CDK14: variants seen among roughly 807,000 people sequenced by gnomAD.
The protein encoded by CDK14 is cyclin dependent kinase 14, also known as cyclin-dependent kinase 14.
In CDK14, 34 loss-of-function variants were observed where a neutral mutation model predicts 60.7. The ratio of observed to expected loss-of-function variants is 0.56; its 90% CI spans 0.43 to 0.75. The LOEUF is 0.75. Ranked by LOEUF, CDK14 falls within the 30% of genes least tolerant of loss-of-function variation. The probability of loss-of-function intolerance (pLI) is 0.00; values close to 1 mark genes in which losing one functional copy is unlikely to be tolerated. For missense variants in CDK14, 482 were observed against 564.1 expected (o/e 0.85, Z 1.47); for synonymous variants, 197 against 203.7 (o/e 0.97, Z 0.28).
intron 2 of CDK14, among the ~76,000 whole-genome samples, chr7:90,634,922 A>G (rs1800100654): frequency 6.6e-6 from 1 of 152,088 alleles, no homozygotes; most frequent in South Asian, 2.1e-4. Context: ...TTGGCTGCAT[A>G]AATGTCTTCT....
Position 90,738,390 on chromosome 7 carries a change from CACAG to C in CDK14, c.370-9287_370-9284del, listed in dbSNP as rs1803209303. On this transcript the variant is annotated intron_variant, in intron 3 of 14. Coordinates refer to ENST00000380050, the MANE Select transcript of CDK14 (RefSeq NM_001287135.2). ...TATTAGCTAGTTGTTATTATTATTA[CACAG>C]ACAATGAACTAGAGCTGTCAAGGGT... Among the ~76,000 whole-genome samples, 3 of 152,106 alleles carry C rather than the reference CACAG, an allele frequency of 2.0e-5. No homozygotes were observed. The South Asian group carries it at 6.2e-4, about 32-fold the overall frequency.
intron 8 of CDK14, among the ~76,000 whole-genome samples, chr7:90,918,915 A>G (rs1008854010): frequency 2.0e-4 from 30 of 152,228 alleles, no homozygotes; most frequent in African/African-American, 7.0e-4. Flanking sequence ...GATATAGATT[A>G]TAAAACTTTG....
chr7:91,012,757 T>C (rs1796196695), intron 10 of CDK14, among the ~76,000 whole-genome samples: 1 of 152,218 alleles, frequency 6.6e-6, no homozygotes, highest in African/African-American at 2.4e-5. Context: ...TGACTGATTC[T>C]TTATGTCCCC....
At chr7:91,129,745 CTA>C (rs1259474234) in intron 14 of CDK14, among the ~76,000 whole-genome samples, 1 of 152,084 alleles carries the variant, frequency 6.6e-6, no homozygotes, top group Non-Finnish European at 1.5e-5. Flanking sequence ...TTTGAGAACT[CTA>C]TGGGTAGCTT....
chr7:90,947,451 C>G (rs949601870), intron 8 of CDK14, among the ~76,000 whole-genome samples: 2 of 152,168 alleles, frequency 1.3e-5, no homozygotes, highest in Admixed American at 6.6e-5. Flanking sequence ...TTTCTCTAGG[C>G]ATTAGTTTTC....
Position 91,098,350 on chromosome 7 carries a change from G to A in CDK14, c.1155-14192G>A, listed in dbSNP as rs534025391. 2.0e-5 allele frequency among the ~76,000 whole-genome samples: 3 copies of A among 152,076 alleles called. No individual in the cohort carries two copies. In the East Asian group the frequency reaches 5.8e-4, roughly 29 times the overall value. ...TTCTGCAGTCCTAACCATTTAATAC[G>A]TTTAGTCTACAAGATAATTTTTTAG... On this transcript the variant is annotated intron_variant, in intron 12 of 14. Coordinates refer to ENST00000380050, the MANE Select transcript of CDK14 (RefSeq NM_001287135.2).
intron 12 of CDK14, among the ~76,000 whole-genome samples, chr7:91,111,881 A>G (rs1331132869): frequency 2.0e-5 from 3 of 152,200 alleles, no homozygotes; most frequent in Non-Finnish European, 2.9e-5. Flanking sequence ...CTTATACCAC[A>G]TGAAAGACTT....
rs181889523 is a variant in CDK14 at position 91,015,614 on chromosome 7, G to A, written c.1042-30283G>A. 6.1e-3 allele frequency among the ~76,000 whole-genome samples: 808 copies of A among 132,478 alleles called. 4 individuals carry two copies. The highest frequency in any genetic ancestry group is 9.6e-3 in the Non-Finnish European group (619 of 64,474). 86.9% of individuals were successfully genotyped at this position (132,478 alleles called of 152,430 possible). ...ATGATCTCGGCTCACTGCAAGCTCC[G>A]CCTCCCGGGTTCAAGCCATTCTCCT... On this transcript the variant is annotated intron_variant, in intron 10 of 14. Transcript: ENST00000380050.
intron 2 of CDK14, among the ~76,000 whole-genome samples, chr7:90,606,081 C>T (rs1486938929): frequency 6.6e-6 from 1 of 152,172 alleles, no homozygotes. Context: ...AGATTGTAAA[C>T]TATCACAAAT....
At chr7:91,142,234 A>C (rs1285524266) in intron 14 of CDK14, among the ~76,000 whole-genome samples, 2 of 152,170 alleles carry the variant, frequency 1.3e-5, no homozygotes, top group Admixed American at 6.5e-5. Flanking sequence ...TTGTTAGAAA[A>C]AGGAAGATTA....
intron 4 of CDK14, among the ~76,000 whole-genome samples, chr7:90,753,885 C>T (rs1803948351): frequency 1.3e-5 from 2 of 152,004 alleles, no homozygotes; most frequent in African/African-American, 4.8e-5. Flanking sequence ...TTACAATAGC[C>T]ACAAAAAATT....
intron 2 of CDK14, chr7:90,710,162 T>C: frequency 1.0e-6 from 1 of 985,354 alleles, no homozygotes; most frequent in Non-Finnish European, 1.2e-6. Flanking sequence ...AGGTTACTCA[T>C]GGGAGAGTCT....
intron 14 of CDK14, among the ~76,000 whole-genome samples, chr7:91,188,519 G>A (rs1479102931): frequency 6.6e-6 from 1 of 152,138 alleles, no homozygotes; most frequent in South Asian, 2.1e-4. Flanking sequence ...TAGAAACTCA[G>A]GGCCAAAGTG....
At chr7:91,133,156 G>T (rs933369319) in intron 14 of CDK14, among the ~76,000 whole-genome samples, 1 of 152,106 alleles carries the variant, frequency 6.6e-6, no homozygotes, top group African/African-American at 2.4e-5. Context: ...TAAGAATTCA[G>T]TATCTTCATG....
At chr7:90,787,784 C>G (rs1369763301) in intron 4 of CDK14, among the ~76,000 whole-genome samples, 2 of 152,138 alleles carry the variant, frequency 1.3e-5, no homozygotes, top group East Asian at 3.9e-4. Flanking sequence ...AAAACAAACA[C>G]TTGGAGGTTC....
At chr7:90,646,089 T>C (rs1353236379) in intron 2 of CDK14, among the ~76,000 whole-genome samples, 1 of 152,154 alleles carries the variant, frequency 6.6e-6, no homozygotes, top group Non-Finnish European at 1.5e-5. Context: ...GCCAACTTCT[T>C]TTTGTTTCTT....
At chr7:90,690,939 AATG>A (rs1326234976) in intron 2 of CDK14, among the ~76,000 whole-genome samples, 6 of 152,152 alleles carry the variant, frequency 3.9e-5, no homozygotes, top group African/African-American at 1.2e-4. Context: ...CAGAATAAAC[AATG>A]ATAAGTTTAA....
intron 5 of CDK14, among the ~76,000 whole-genome samples, chr7:90,795,184 T>C (rs1806008623): frequency 1.3e-5 from 2 of 152,210 alleles, no homozygotes; most frequent in Admixed American, 6.5e-5. Flanking sequence ...GTGTAAATCA[T>C]GGAAAAATTG....
chr7:90,737,329 A>G (rs1803161818), intron 3 of CDK14, among the ~76,000 whole-genome samples: 1 of 152,188 alleles, frequency 6.6e-6, no homozygotes, highest in Non-Finnish European at 1.5e-5. Context: ...CATTCCACAA[A>G]TTGCTCCAAA....
Sources: gnomAD v4.1 joint callset for allele counts (sites outside exome capture counted in the v4.1 genomes callset) on GRCh38, gnomAD v4.1.1 for gene constraint, MANE v1.5 for transcripts, NCBI Gene and HGNC (gene_info 2026-07-23, HGNC 2026-07-21) for gene names.